The following LRP2 variants were observed in gnomAD, a reference collection of about 807,000 sequenced individuals.
The protein encoded by LRP2 is low-density lipoprotein receptor-related protein 2.
LRP2 carries 172 observed loss-of-function variants against 531.0 expected under a neutral mutation model. That is an observed-to-expected ratio of 0.32 (90% CI 0.29 to 0.37). The LOEUF (loss-of-function observed/expected upper bound fraction) is 0.37. Among genes scored for constraint, LRP2 ranks in the 10% least tolerant of loss-of-function variants. LRP2 has a pLI of 1.00. For synonymous variants in LRP2, 1,992 were observed against 2,027.6 expected, an observed-to-expected ratio of 0.98 and a Z score of 0.47; for missense variants, 5,167 against 5,868.3, an observed-to-expected ratio of 0.88 and a Z score of 3.90.
intron 2 of LRP2, 76 bp from the exon 3 acceptor site, chr2:169,318,960 A>G: frequency 6.4e-7 from 1 of 1,567,898 alleles, no homozygotes; most frequent in Non-Finnish European, 8.7e-7. Flanking sequence ...TTGTTCCAGA[A>G]GAGTGTATCA....
chr2:169,206,661 G>A lies in LRP2; in HGVS notation c.7059C>T (p.Cys2353=). The A allele has an allele frequency of 6.2e-7, 1 of 1,614,134 alleles. No individual in the cohort carries two copies. Among genetic ancestry groups the A allele is most frequent in the South Asian group, 1.1e-5 (1 of 91,074 alleles). Reference sequence around the variant, plus strand: ...CAGGCAGAGCAAAGCAGAGATGAGAGCACCCACCATTGTTTTCCAAGCAAG... The same window carrying A: ...CAGGCAGAGCAAAGCAGAGATGAGAACACCCACCATTGTTTTCCAAGCAAG... The part of the protein sequence containing the change: ...NNPCLENNGG[C]SHLCFALPGL... Residue 2353 remains cysteine (C), a synonymous_variant, in exon 39 of 79, where the codon TGC becomes TGT. Transcript: ENST00000649046.
intron 2 of LRP2, among the ~76,000 whole-genome samples, chr2:169,320,081 T>C (rs1684869405): frequency 6.6e-6 from 1 of 152,170 alleles, no homozygotes; most frequent in Non-Finnish European, 1.5e-5. Context: ...GGAAGAGCAA[T>C]GGGATCTGTG....
chr2:169,229,881 A>G (rs1689339358), intron 31 of LRP2, among the ~76,000 whole-genome samples: 1 of 152,236 alleles, frequency 6.6e-6, no homozygotes, highest in African/African-American at 2.4e-5. Context: ...AAGCTATTCA[A>G]CAATCAAATC....
chr2:169,361,374 CTCCCTCTCTCTCTCTCTCTCTG>C (rs1385945452), intron 1 of LRP2, among the ~76,000 whole-genome samples: 9 of 62,182 alleles, frequency 1.4e-4, no homozygotes, highest in African/African-American at 4.7e-4. Flanking sequence ...CTCTCTCTCT[CTCCCTCTCTCTCTCTCTCTCTG>C]TCTCTCTCCT....
rs528406019 is a variant in LRP2 at position 169,316,619 on chromosome 2, T to C, written c.310+2143A>G. ...TTATTTTCAGTTGGGACACCTTGAG[T>C]TCAAGGCAACTTGCAGAGGTCCAAA... is the stretch of plus-strand genomic sequence containing the variant. On this transcript the variant is annotated intron_variant, in intron 3 of 78. Coordinates refer to ENST00000649046, the MANE Select transcript of LRP2 (RefSeq NM_004525.3). Among the ~76,000 whole-genome samples, 37 of 152,104 alleles carry C rather than the reference T, an allele frequency of 2.4e-4. 2 individuals carry two copies. Among genetic ancestry groups the C allele is most frequent in the Admixed American group, 2.4e-3 (37 of 15,280 alleles).
At chr2:169,299,077 AAGAAAGAAG>A (rs1340345321) in intron 4 of LRP2, among the ~76,000 whole-genome samples, 4 of 71,142 alleles carry the variant, frequency 5.6e-5, no homozygotes, top group Non-Finnish European at 1.5e-4. Flanking sequence ...GAAGGAAAGA[AAGAAAGAAG>A]GAAAGAAAGA....
In LRP2 at chr2:169,236,046, C is replaced by T. The variant is rs778055388; in HGVS notation, c.4714G>A (p.Asp1572Asn). Residue 1572 changes from aspartate (D) to asparagine (N), a missense_variant, in exon 29 of 79, where the codon GAC becomes AAC. Physicochemically the swap from Asp to Asn is conservative, Grantham distance 23 (BLOSUM62 1). Transcript: ENST00000649046. ...TCGATGCGAGGGTGGTGGCCCCAGTCAGACCAGAACAGTAGATGCTCACTG... is the reference window on the plus strand; with the variant it reads ...TCGATGCGAGGGTGGTGGCCCCAGTTAGACCAGAACAGTAGATGCTCACTG... ...RMNEHLLFWS[D>N]WGHHPRIERA... 1.5e-5 allele frequency: 24 copies of T among 1,613,708 alleles called. No homozygotes were observed. The highest frequency in any genetic ancestry group is 2.0e-5 in the Non-Finnish European group (24 of 1,179,892).
intron 1 of LRP2, among the ~76,000 whole-genome samples, chr2:169,345,362 C>T (rs1417201789): frequency 6.6e-6 from 1 of 152,056 alleles, no homozygotes; most frequent in Non-Finnish European, 1.5e-5. Flanking sequence ...GCAAGCTTAC[C>T]GTGAGTGTCA....
Position 169,361,350 on chromosome 2 carries a change from GTC to G in LRP2, c.79+969_79+970del, listed in dbSNP as rs1216824209. Among the ~76,000 whole-genome samples the G allele has an allele frequency of 1.3e-3, 29 of 21,970 alleles. 1 individual carries two copies. Among genetic ancestry groups the G allele is most frequent in the African/African-American group, 3.3e-3 (17 of 5,188 alleles). The allele number at this position is 21,970 out of a possible 152,430, so 14.4% of individuals were successfully genotyped here. On this transcript the variant is annotated intron_variant, in intron 1 of 78. Transcript: ENST00000649046. ...TCTCTGTCTCTCTCTGTCTCTCTCTGTCTCTCTCTCTCTCTCTCTCTCTCTCC... is the reference window on the plus strand; with the variant it reads ...TCTCTGTCTCTCTCTGTCTCTCTCTGTCTCTCTCTCTCTCTCTCTCTCTCC...
In LRP2 at chr2:169,257,254, A is replaced by G; in HGVS notation, c.2514-5T>C. ...CAATCAGTGAAGAATAGATACCTAGAAAAAGCAGTAGTAAATTAAGGCTGT... is the reference window on the plus strand; with the variant it reads ...CAATCAGTGAAGAATAGATACCTAGGAAAAGCAGTAGTAAATTAAGGCTGT... On this transcript the variant is annotated splice_polypyrimidine_tract_variant and splice_region_variant and intron_variant, in intron 17 of 78. Coordinates refer to ENST00000649046, the MANE Select transcript of LRP2 (RefSeq NM_004525.3). The G allele has an allele frequency of 1.2e-6, 2 of 1,612,108 alleles. No individual in the cohort carries two copies. The highest frequency in any genetic ancestry group is 1.7e-6 in the Non-Finnish European group (2 of 1,178,644).
At chr2:169,312,615 T>C (rs1183146666) in intron 3 of LRP2, among the ~76,000 whole-genome samples, 7 of 152,182 alleles carry the variant, frequency 4.6e-5, no homozygotes, top group Non-Finnish European at 7.4e-5. Flanking sequence ...ACCCGACCTT[T>C]CTCTCTGGCT....
chr2:169,158,573 T>C (rs1198927614), intron 63 of LRP2, among the ~76,000 whole-genome samples: 1 of 152,014 alleles, frequency 6.6e-6, no homozygotes, highest in Non-Finnish European at 1.5e-5. Context: ...AAGTTATGAT[T>C]ATCTACATGA....
At chr2:169,337,540 G>A (rs1685438901) in intron 1 of LRP2, among the ~76,000 whole-genome samples, 1 of 152,176 alleles carries the variant, frequency 6.6e-6, no homozygotes, top group Non-Finnish European at 1.5e-5. Flanking sequence ...AATCTGGACT[G>A]AAGAAAAAGG....
intron 10 of LRP2, 65 bp from the exon 11 acceptor site, chr2:169,280,584 A>G (rs944883509): frequency 1.3e-6 from 2 of 1,482,378 alleles, no homozygotes; most frequent in African/African-American, 1.4e-5. Context: ...AGTAGCTTAC[A>G]AATGATATGC....
chr2:169,276,349 A>G (rs1683553452), intron 13 of LRP2, among the ~76,000 whole-genome samples: 2 of 152,118 alleles, frequency 1.3e-5, no homozygotes, highest in South Asian at 4.1e-4. Flanking sequence ...AACCACTCAA[A>G]TCTTTTTGAA....
chr2:169,350,362 T>C (rs938647403), intron 1 of LRP2, among the ~76,000 whole-genome samples: 2 of 152,020 alleles, frequency 1.3e-5, no homozygotes, highest in Non-Finnish European at 2.9e-5. Flanking sequence ...TATAGGGTAG[T>C]GGTCTGGATT....
chr2:169,188,184 G>C lies in LRP2; in HGVS notation c.9114C>G (p.Thr3038=). Residue 3038 remains threonine (T), a synonymous_variant, in exon 49 of 79, where the codon ACC becomes ACG. Transcript: ENST00000649046. The part of the protein sequence containing the change: ...LYQTCQQNQF[T]CQNGRCISKT... ...TACTAATGCAGCGCCCGTTCTGACA[G>C]GTAAACTGATTCTGTTGGCAAGTCT... is the stretch of plus-strand genomic sequence containing the variant. 1 of 1,614,136 alleles carries C rather than the reference G, an allele frequency of 6.2e-7. No individual in the cohort carries two copies. Among genetic ancestry groups the C allele is most frequent in the Non-Finnish European group, 8.5e-7 (1 of 1,180,018 alleles).
intron 64 of LRP2, among the ~76,000 whole-genome samples, chr2:169,156,899 C>T (rs1199100700): frequency 1.3e-5 from 2 of 152,190 alleles, no homozygotes; most frequent in African/African-American, 4.8e-5. Flanking sequence ...AATTCAAATA[C>T]TAAAAGGCAC....
At position 169,139,370 on chromosome 2, in the gene LRP2, G is replaced by A. The variant is rs370978040; in HGVS notation, c.13269C>T (p.Thr4423=). Residue 4423 remains threonine, a splice_region_variant and synonymous_variant, in exon 74 of 79, where the codon ACC becomes ACT. Transcript: ENST00000649046. ...AFSKGISPGT[T]AVAVLLTILL... ...GGATTGTCAACAGCACAGCTACTGC[G>A]GCTATAGAAGAAGATAGCAGAGAGC... 1.2e-4 allele frequency: 201 copies of A among 1,614,002 alleles called. No individual in the cohort carries two copies. Among genetic ancestry groups the A allele is most frequent in the Non-Finnish European group, 1.5e-4 (180 of 1,180,020 alleles).
Sources: allele counts gnomAD v4.1 joint callset (sites outside exome capture counted in the v4.1 genomes callset), GRCh38; gene constraint gnomAD v4.1.1; transcripts MANE v1.5; gene names NCBI Gene and HGNC (gene_info 2026-07-23, HGNC 2026-07-21).